WWOX: variants seen among roughly 807,000 people sequenced by gnomAD.
WWOX encodes WW domain-containing oxidoreductase.
WWOX carries 69 observed loss-of-function variants against 46.2 expected under a neutral mutation model. That is an observed-to-expected ratio of 1.49 (90% confidence interval 1.23 to 1.82). WWOX has a LOEUF of 1.82. Among genes scored for constraint, WWOX ranks in the 40% most tolerant of loss-of-function variants. The pLI, the probability that WWOX is intolerant of heterozygous loss-of-function variation, is 0.00. For missense variants in WWOX, 919 were observed against 542.6 expected (o/e 1.69, Z -6.89); for synonymous variants, 359 against 202.6 (o/e 1.77, Z -6.56).
At chr16:78,608,846 C>G (rs977502256) in intron 8 of WWOX, among the ~76,000 whole-genome samples, 1 of 152,110 alleles carries the variant, frequency 6.6e-6, no homozygotes. Flanking sequence ...ATAGAAATGA[C>G]AAAGGGTCAG....
chr16:78,703,452 C>T (rs1029325417), intron 8 of WWOX, among the ~76,000 whole-genome samples: 2 of 86,666 alleles, frequency 2.3e-5, no homozygotes, highest in Admixed American at 1.1e-4. Context: ...TGTCTCTACA[C>T]ATTTTTTTTT....
intron 5 of WWOX, chr16:78,237,610 A>G (rs1175643672): frequency 6.6e-6 from 1 of 152,200 alleles, no homozygotes; most frequent in African/African-American, 2.4e-5. Flanking sequence ...GCTCCTGCCC[A>G]TGGACAAAAT....
intron 8 of WWOX, among the ~76,000 whole-genome samples, chr16:78,806,224 C>G (rs1405963458): frequency 6.6e-6 from 1 of 152,128 alleles, no homozygotes; most frequent in African/African-American, 2.4e-5. Context: ...ACTTTTTCCT[C>G]TCAGGATTTC....
chr16:78,407,717 A>G (rs144652807), intron 6 of WWOX, among the ~76,000 whole-genome samples: 329 of 152,288 alleles, frequency 2.2e-3, no homozygotes, highest in African/African-American at 7.4e-3. Flanking sequence ...AGCTTCAGTG[A>G]TATATTGTGA....
intron 3 of WWOX, among the ~76,000 whole-genome samples, chr16:78,110,568 ATAATG>A (rs1022651013): frequency 6.6e-6 from 1 of 152,162 alleles, no homozygotes; most frequent in African/African-American, 2.4e-5. Flanking sequence ...ATAATTATAA[ATAATG>A]TATTGAGCAT....
At chr16:78,313,400 C>G (rs2080287693) in intron 5 of WWOX, among the ~76,000 whole-genome samples, 1 of 152,156 alleles carries the variant, frequency 6.6e-6, no homozygotes, top group Non-Finnish European at 1.5e-5. Context: ...GAGTTTCACT[C>G]TTGTTGCCCA....
chr16:78,940,279 G>T (rs1597180278), intron 8 of WWOX, among the ~76,000 whole-genome samples: 1 of 152,096 alleles, frequency 6.6e-6, no homozygotes, highest in African/African-American at 2.4e-5. Flanking sequence ...TAACCTCTGT[G>T]GTATTTGTTT....
chr16:78,435,280 G>A (rs1444865837), intron 8 of WWOX, among the ~76,000 whole-genome samples: 1 of 152,104 alleles, frequency 6.6e-6, no homozygotes, highest in Non-Finnish European at 1.5e-5. Context: ...AATAGCAGAT[G>A]CCCAACCTCC....
At chr16:79,033,356 A>G (rs988402955) in intron 8 of WWOX, among the ~76,000 whole-genome samples, 1 of 149,286 alleles carries the variant, frequency 6.7e-6, no homozygotes, top group African/African-American at 2.4e-5. Context: ...CATAATATAT[A>G]CATAATATAT....
chr16:78,158,862 T>C (rs1000295393), intron 4 of WWOX, among the ~76,000 whole-genome samples: 6 of 152,188 alleles, frequency 3.9e-5, no homozygotes, highest in African/African-American at 1.4e-4. Context: ...CAGTACTATA[T>C]GGTAGATCTC....
intron 8 of WWOX, among the ~76,000 whole-genome samples, chr16:78,973,295 C>T (rs182590496): frequency 2.0e-5 from 3 of 152,134 alleles, no homozygotes; most frequent in Non-Finnish European, 2.9e-5. Flanking sequence ...GTCATCCTGG[C>T]GTTTGGGTAC....
At chr16:79,130,198 C>G (rs1225080403) in intron 8 of WWOX, among the ~76,000 whole-genome samples, 1 of 152,168 alleles carries the variant, frequency 6.6e-6, no homozygotes, top group African/African-American at 2.4e-5. Context: ...GTGTCTGATT[C>G]CTGAACCTGT....
At chr16:78,589,211 C>T (rs750172662) in intron 8 of WWOX, among the ~76,000 whole-genome samples, 4 of 151,966 alleles carry the variant, frequency 2.6e-5, no homozygotes, top group Admixed American at 6.6e-5. Flanking sequence ...TTTCTTATTG[C>T]GGTAAGTGCT....
At chr16:78,676,472 C>T (rs909639757) in intron 8 of WWOX, among the ~76,000 whole-genome samples, 4 of 151,744 alleles carry the variant, frequency 2.6e-5, no homozygotes, top group African/African-American at 9.7e-5. Flanking sequence ...AAAAAGCTCC[C>T]CACCCCCACC....
intron 8 of WWOX, among the ~76,000 whole-genome samples, chr16:78,511,169 C>T (rs996573362): frequency 9.9e-5 from 15 of 152,166 alleles, no homozygotes; most frequent in African/African-American, 2.4e-4. Context: ...GTACAAAAAT[C>T]GGGAAAAGGC....
At chr16:78,619,474 A>T (rs2046123305) in intron 8 of WWOX, among the ~76,000 whole-genome samples, 1 of 151,112 alleles carries the variant, frequency 6.6e-6, no homozygotes, top group Non-Finnish European at 1.5e-5. Context: ...CCCACATGTT[A>T]TACACAGAAT....
intron 8 of WWOX, among the ~76,000 whole-genome samples, chr16:78,905,871 G>A (rs533120007): frequency 1.7e-4 from 26 of 152,300 alleles, no homozygotes; most frequent in Middle Eastern, 3.4e-3. Context: ...CCCTCAAAAC[G>A]TGGCCCAAAG....
chr16:79,182,034 T>G (rs1640079317), intron 8 of WWOX, among the ~76,000 whole-genome samples: 1 of 151,920 alleles, frequency 6.6e-6, no homozygotes, highest in Non-Finnish European at 1.5e-5. Context: ...CAGGTTATCG[T>G]GTGCTGAAGG....
At chr16:78,326,337 A>T (rs543292151) in intron 5 of WWOX, among the ~76,000 whole-genome samples, 1 of 152,304 alleles carries the variant, frequency 6.6e-6, no homozygotes, top group South Asian at 2.1e-4. Context: ...GCTGTATATG[A>T]TATGCCAATT....
Sources: allele counts gnomAD v4.1 joint callset (sites outside exome capture counted in the v4.1 genomes callset), GRCh38; gene constraint gnomAD v4.1.1; transcripts MANE v1.5; gene names NCBI Gene and HGNC (gene_info 2026-07-23, HGNC 2026-07-21).